RPA2: variants seen among roughly 807,000 people sequenced by gnomAD.
RPA2 encodes replication protein A 32 kDa subunit.
In RPA2, 22 loss-of-function variants were observed where a neutral mutation model predicts 33.4. That is an observed-to-expected ratio of 0.66 (90% CI 0.47 to 0.94). The LOEUF is 0.94. Ranked by LOEUF, RPA2 falls within the 40% of genes least tolerant of loss-of-function variation. The pLI, the probability that RPA2 is intolerant of heterozygous loss-of-function variation, is 0.00. For synonymous variants in RPA2, 109 were observed against 114.9 expected, an observed-to-expected ratio of 0.95 and a Z score of 0.33; for missense variants, 279 against 329.9, an observed-to-expected ratio of 0.85 and a Z score of 1.19.
At chr1:27,895,634 G>T (rs533756418) in intron 6 of RPA2, among the ~76,000 whole-genome samples, 7 of 152,144 alleles carry the variant, frequency 4.6e-5, no homozygotes, top group African/African-American at 1.7e-4. Flanking sequence ...GGGAGGCTGA[G>T]GCAGGAGAAT....
rs56207884 is a variant in RPA2 at position 27,896,710 on chromosome 1, T to C, written c.525+295A>G. On this transcript the variant is annotated intron_variant, in intron 6 of 8. Transcript: ENST00000373912. ...GAGTATGCACTGACAATCCTGGAGC[T>C]AAGAGCTATATAAGAGCTAAGAGCC... Among the ~76,000 whole-genome samples, 80 of 151,882 alleles carry C rather than the reference T, an allele frequency of 5.3e-4. 1 individual carries two copies. In the East Asian group the frequency reaches 0.014, roughly 26 times the overall value.
At chr1:27,910,371 AT>A (rs1239001109) in intron 2 of RPA2, among the ~76,000 whole-genome samples, 3 of 152,224 alleles carry the variant, frequency 2.0e-5, no homozygotes, top group Non-Finnish European at 4.4e-5. Flanking sequence ...AACAGTTGAG[AT>A]GTTAACAATG....
In RPA2 at chr1:27,894,209, C is replaced by G; in HGVS notation, c.633+81G>C. Reference sequence around the variant, plus strand: ...AAAAGAAATGAACCAGGTACTTAAACAGTCGTAGCTCATTAAGGAAGTAAC... The same window carrying G: ...AAAAGAAATGAACCAGGTACTTAAAGAGTCGTAGCTCATTAAGGAAGTAAC... On this transcript the variant is annotated intron_variant, in intron 7 of 8. Coordinates refer to ENST00000373912, the MANE Select transcript of RPA2 (RefSeq NM_002946.5). The G allele has an allele frequency of 2.0e-6, 3 of 1,501,002 alleles. No individual in the cohort carries two copies. In the South Asian group the frequency reaches 3.4e-5, roughly 17 times the overall value. 93.0% of individuals were successfully genotyped at this position (1,501,002 alleles called of 1,614,324 possible).
intron 4 of RPA2, among the ~76,000 whole-genome samples, chr1:27,903,601 C>T (rs1336489444): frequency 6.6e-6 from 1 of 151,724 alleles, no homozygotes; most frequent in Non-Finnish European, 1.5e-5. Context: ...CGCCTATAGT[C>T]CCAACTACTC....
At chr1:27,906,776 T>C (rs184455915) in intron 4 of RPA2, 152 bp downstream of exon 4, 3 of 581,224 alleles carry the variant, frequency 5.2e-6, no homozygotes, top group East Asian at 5.7e-5. Context: ...GGAAGGTATA[T>C]AGTCAAATCT....
rs780566579 is a variant in RPA2 at position 27,914,104 on chromosome 1, C to T, written c.76G>A (p.Gly26Ser). Residue 26 changes from glycine (G) to serine (S), a missense_variant, in exon 2 of 9, where the codon GGC becomes AGC. By Grantham distance (56) the Gly-to-Ser change is moderately conservative. Around this residue, in one of 2 missense-constraint regions of RPA2, gnomAD observed 274 missense variants for 310.3 expected, o/e 0.88. Transcript: ENST00000373912. The part of the protein sequence containing the change: ...GAGGYTQSPG[G>S]FGSPAPSQAE... ...TGAGAAGGTGCGGGCGATCCAAAGC[C>T]CCCCGGGGACTGCGTGTAGCCGCCG... 5.0e-6 allele frequency: 8 copies of T among 1,609,280 alleles called. No homozygotes were observed. The highest frequency in any genetic ancestry group is 1.7e-5 in the Admixed American group (1 of 58,864).
intron 4 of RPA2, among the ~76,000 whole-genome samples, chr1:27,905,661 CACT>C (rs1015385618): frequency 1.8e-4 from 28 of 151,412 alleles, no homozygotes; most frequent in African/African-American, 6.5e-4. Context: ...GCTAGGTCAC[CACT>C]GTTTGTCTTT....
chr1:27,904,927 C>T (rs1195791736), intron 4 of RPA2, among the ~76,000 whole-genome samples: 2 of 152,090 alleles, frequency 1.3e-5, no homozygotes, highest in Non-Finnish European at 2.9e-5. Flanking sequence ...GCTGGGATTA[C>T]GGGCGTGAGT....
intron 2 of RPA2, among the ~76,000 whole-genome samples, chr1:27,907,640 G>C (rs2090046030): frequency 2.0e-5 from 3 of 152,194 alleles, no homozygotes; most frequent in Admixed American, 2.0e-4. Context: ...AGACAGGCTG[G>C]TGCTGCTGTT....
rs568748143 is a variant in RPA2, at chr1:27,914,559, A to G, written c.-116T>C. 3 of 1,611,710 alleles carry G rather than the reference A, an allele frequency of 1.9e-6. No homozygotes were observed. The highest frequency in any genetic ancestry group is 1.1e-5 in the South Asian group (1 of 90,934). On this transcript the variant is annotated 5_prime_UTR_variant, in exon 1 of 9. Transcript: ENST00000373912. ...CTGGCTACTTTTCTCTGGCACCACA[A>G]ACGCCTTCCCGCGAATGGCGGAGCC...
At chr1:27,910,992 G>A (rs1571623888) in intron 2 of RPA2, among the ~76,000 whole-genome samples, 1 of 152,136 alleles carries the variant, frequency 6.6e-6, no homozygotes, top group East Asian at 1.9e-4. Flanking sequence ...AAGAAGAGCA[G>A]ATCGCCTGAC....
chr1:27,907,948 A>G (rs1483642881), intron 2 of RPA2, among the ~76,000 whole-genome samples: 1 of 152,106 alleles, frequency 6.6e-6, no homozygotes, highest in Non-Finnish European at 1.5e-5. Flanking sequence ...TCCCGGGCTC[A>G]AGCGATTCTC....
intron 2 of RPA2, among the ~76,000 whole-genome samples, chr1:27,913,691 A>T (rs1297464587): frequency 1.3e-5 from 2 of 151,646 alleles, no homozygotes; most frequent in Non-Finnish European, 2.9e-5. Flanking sequence ...CCGAGGTGGG[A>T]GGATCGCTTG....
chr1:27,914,412 C>T, intron 1 of RPA2, 22 bp downstream of exon 1: 1 of 1,610,242 alleles, frequency 6.2e-7, no homozygotes. Context: ...CTTCCTCCTC[C>T]ACCCCGCACC....
chr1:27,906,077 T>A (rs2090024664), intron 4 of RPA2, among the ~76,000 whole-genome samples: 1 of 152,108 alleles, frequency 6.6e-6, no homozygotes, highest in South Asian at 2.1e-4. Flanking sequence ...AAGATAAAAA[T>A]CTTTGTTCTA....
chr1:27,893,913 A>G, intron 8 of RPA2, 99 bp downstream of exon 8: 1 of 1,026,702 alleles, frequency 9.7e-7, no homozygotes, highest in Non-Finnish European at 1.5e-6. Context: ...CCGGCTGCCA[A>G]GTTTTACTTT....
rs553037089 is a variant in RPA2, at chr1:27,913,345, T to A, written c.117+718A>T. 1.0e-4 allele frequency among the ~76,000 whole-genome samples: 15 copies of A among 149,456 alleles called. No homozygotes were observed. In the East Asian group the frequency reaches 2.0e-3, roughly 20 times the overall value. ...GGCTCACGCCTGTAATCCCAACACT[T>A]TGGGAGGCTGAGGCGGGTGGATTAC... On this transcript the variant is annotated intron_variant, in intron 2 of 8. Coordinates refer to ENST00000373912, the MANE Select transcript of RPA2 (RefSeq NM_002946.5).
rs372912458 is a variant in RPA2 at position 27,908,652 on chromosome 1, A to G, written c.118-1370T>C. Among the ~76,000 whole-genome samples the G allele has an allele frequency of 1.2e-4, 18 of 151,614 alleles. No individual in the cohort carries two copies. In the East Asian group the frequency reaches 3.1e-3, roughly 26 times the overall value. On this transcript the variant is annotated intron_variant, in intron 2 of 8. Coordinates refer to ENST00000373912, the MANE Select transcript of RPA2 (RefSeq NM_002946.5). ...GCTGGGATTATAGGTGCACGCCACC[A>G]TGCCCAGCTAATTTTTCTATTTTTT...
intron 4 of RPA2, among the ~76,000 whole-genome samples, chr1:27,900,304 G>A (rs191538506): frequency 6.6e-6 from 1 of 152,144 alleles, no homozygotes; most frequent in Non-Finnish European, 1.5e-5. Context: ...TAGAGACGGG[G>A]TTTTACCTTA....
Sources: gnomAD v4.1 joint callset for allele counts (sites outside exome capture counted in the v4.1 genomes callset) on GRCh38, gnomAD v4.1.1 for gene constraint, gnomAD v4.1.1 regional missense constraint, MANE v1.5 for transcripts, NCBI Gene and HGNC (gene_info 2026-07-23, HGNC 2026-07-21) for gene names.